MAVS: variants seen among roughly 807,000 people sequenced by gnomAD.
MAVS encodes the protein mitochondrial antiviral signaling protein.
A neutral mutation model predicts 30.2 loss-of-function variants in MAVS; 20 were observed. The ratio of observed to expected loss-of-function variants is 0.66; its 90% CI spans 0.47 to 0.96. MAVS has a LOEUF of 0.96. MAVS is among the 40% of genes least tolerant of loss of function. The pLI is 0.00. For synonymous variants in MAVS, 278 were observed against 293.9 expected (o/e 0.95, Z 0.55); for missense variants, 624 against 701.1 (o/e 0.89, Z 1.24).
chr20:3,868,049 T>G lies in MAVS; in HGVS notation c.*1902T>G, dbSNP rs1054788653. On this transcript the variant is annotated 3_prime_UTR_variant, in exon 7 of 7. Transcript: ENST00000428216. ...ACACCCTGCCTTGGCTGCTACAGCTTTTTCACTCCACTGCCCTAGGGGAGT... is the reference window on the plus strand; with the variant it reads ...ACACCCTGCCTTGGCTGCTACAGCTGTTTCACTCCACTGCCCTAGGGGAGT... 4 of 152,308 alleles carry G rather than the reference T, an allele frequency of 2.6e-5. No individual in the cohort carries two copies. Among genetic ancestry groups the G allele is most frequent in the African/African-American group, 9.7e-5 (4 of 41,432 alleles). 9.4% of individuals were successfully genotyped at this position (152,308 alleles called of 1,614,324 possible).
intron 1 of MAVS, among the ~76,000 whole-genome samples, chr20:3,848,764 G>T (rs542070592): frequency 3.9e-5 from 6 of 152,254 alleles, no homozygotes; most frequent in Admixed American, 3.3e-4. Flanking sequence ...CACTTGTTCC[G>T]AACTGAGTTC....
chr20:3,848,490 A>G (rs1357232552), intron 1 of MAVS, among the ~76,000 whole-genome samples: 2 of 152,090 alleles, frequency 1.3e-5, no homozygotes, highest in Non-Finnish European at 2.9e-5. Flanking sequence ...GATTCTCCTG[A>G]CCTGTCATTA....
chr20:3,859,456 C>T (rs1399232086), intron 3 of MAVS, among the ~76,000 whole-genome samples: 7 of 148,368 alleles, frequency 4.7e-5, no homozygotes, highest in African/African-American at 7.5e-5. Context: ...TGCAGTGAGC[C>T]GAGATTGCGC....
In MAVS at chr20:3,857,677, A is replaced by G; in HGVS notation, c.160A>G (p.Thr54Ala). Residue 54 changes from threonine to alanine, a missense_variant, in exon 3 of 7, where the codon ACC becomes GCC. Physicochemically the swap from Thr to Ala is moderately conservative, Grantham distance 58. Coordinates refer to ENST00000428216, the MANE Select transcript of MAVS (RefSeq NM_020746.5). ...CTGCACACTCTCAGGGAACCGGGAC[A>G]CCCTCTGGCATCTCTTCAATACCCT... ...ATCTLSGNRD[T>A]LWHLFNTLQR... 6.2e-7 allele frequency: 1 copy of G among 1,614,078 alleles called. No homozygotes were observed. Among genetic ancestry groups the G allele is most frequent in the Non-Finnish European group, 8.5e-7 (1 of 1,180,004 alleles).
chr20:3,866,176 T>C lies in MAVS; in HGVS notation c.*29T>C, dbSNP rs1215649494. ...AGCCCTGGGCTCTTCCCACCACCCA[T>C]CTGTTCCGTTCCTGCAGTACACCTG... On this transcript the variant is annotated 3_prime_UTR_variant, in exon 7 of 7. Transcript: ENST00000428216. 6.5e-6 allele frequency: 10 copies of C among 1,534,806 alleles called. No homozygotes were observed. Among genetic ancestry groups the C allele is most frequent in the Non-Finnish European group, 6.1e-6 (7 of 1,144,454 alleles).
intron 1 of MAVS, among the ~76,000 whole-genome samples, chr20:3,847,694 A>G (rs1341816206): frequency 2.0e-5 from 3 of 152,094 alleles, no homozygotes; most frequent in Non-Finnish European, 4.4e-5. Context: ...ACCTAAGTGC[A>G]CCCTCAGCCT....
Position 3,865,010 on chromosome 20 carries a change from A to G in MAVS, c.1158+222A>G, listed in dbSNP as rs1600454603. Among the ~76,000 whole-genome samples, 1 of 152,208 alleles carries G rather than the reference A, an allele frequency of 6.6e-6. No individual in the cohort carries two copies. Reference sequence around the variant, plus strand: ...AGTCATTGAGCTTCTAAGTCTGGACACCTCAGGAGGGTCAGCCACAGGGGG... The same window carrying G: ...AGTCATTGAGCTTCTAAGTCTGGACGCCTCAGGAGGGTCAGCCACAGGGGG... On this transcript the variant is annotated intron_variant, in intron 6 of 6. Transcript: ENST00000428216. The surrounding 1 kb of genome is among the most constrained non-coding windows in gnomAD (Gnocchi z 4.7).
At position 3,866,137 on chromosome 20, in the gene MAVS, G is replaced by C. The variant is rs761713524; in HGVS notation, c.1613G>C (p.Arg538Pro). ...CTCCTGGTGGTGCTGTACCGGCGGC[G>C]TCTGCACTAGTGAAGCCCTGGGCTC... is the stretch of plus-strand genomic sequence containing the variant. ...VTLLVVLYRR[R>P]LH is the part of the protein sequence containing the mutation. Residue 538 changes from arginine to proline, a missense_variant, in exon 7 of 7, where the codon CGT becomes CCT. Physicochemically the swap from Arg to Pro is moderately radical, Grantham distance 103. Coordinates refer to ENST00000428216, the MANE Select transcript of MAVS (RefSeq NM_020746.5). 6.3e-7 allele frequency: 1 copy of C among 1,587,462 alleles called. No homozygotes were observed. Among genetic ancestry groups the C allele is most frequent in the Non-Finnish European group, 8.6e-7 (1 of 1,169,330 alleles).
In MAVS at chr20:3,873,015, A is replaced by T. The variant is rs189198833; in HGVS notation, c.*6868A>T. 6.6e-6 allele frequency: 1 copy of T among 152,322 alleles called. No homozygotes were observed. The highest frequency in any genetic ancestry group is 2.4e-5 in the African/African-American group (1 of 41,432). 9.4% of individuals were successfully genotyped at this position (152,322 alleles called of 1,614,324 possible). A position where few individuals can be genotyped will look rare whatever the true frequency, so the allele number is the denominator to read the frequency against. Reference sequence around the variant, plus strand: ...TGGCAAAGGGACAAGTGTTTATCTGATCAGTTATGTACTGTTTATAATAAG... The same window carrying T: ...TGGCAAAGGGACAAGTGTTTATCTGTTCAGTTATGTACTGTTTATAATAAG... On this transcript the variant is annotated 3_prime_UTR_variant, in exon 7 of 7. Coordinates refer to ENST00000428216, the MANE Select transcript of MAVS (RefSeq NM_020746.5).
chr20:3,857,778 A>G lies in MAVS; in HGVS notation c.261A>G (p.Glu87=). 10 of 1,614,200 alleles carry G rather than the reference A, an allele frequency of 6.2e-6. No individual in the cohort carries two copies. Among genetic ancestry groups the G allele is most frequent in the Non-Finnish European group, 8.5e-6 (10 of 1,180,020 alleles). The part of the protein sequence containing the change: ...RGCELVDLAD[E]VASVYQSYQP... ...GTGAGCTAGTTGATCTCGCGGACGA[A>G]GTGGCCTCTGTCTACCAGAGCTACC... Residue 87 remains glutamate (E), a synonymous_variant, in exon 3 of 7, where the codon GAA becomes GAG. Transcript: ENST00000428216.
At chr20:3,848,272 C>T (rs569921152) in intron 1 of MAVS, among the ~76,000 whole-genome samples, 26 of 152,036 alleles carry the variant, frequency 1.7e-4, no homozygotes, top group Non-Finnish European at 2.2e-4. Context: ...CTAATTTTTG[C>T]ATTTTTAGTA....
chr20:3,847,754 C>T (rs944394982), intron 1 of MAVS, among the ~76,000 whole-genome samples: 1 of 152,150 alleles, frequency 6.6e-6, no homozygotes, highest in African/African-American at 2.4e-5. Flanking sequence ...AGGCAGGTGG[C>T]TGTGTGGGTC....
In MAVS at chr20:3,868,593, C is replaced by T. The variant is rs188392492; in HGVS notation, c.*2446C>T. On this transcript the variant is annotated 3_prime_UTR_variant, in exon 7 of 7. Coordinates refer to ENST00000428216, the MANE Select transcript of MAVS (RefSeq NM_020746.5). The stretch of plus-strand genomic sequence containing the variant: ...AGGTTGCAGTGAGCCGAGATTGTGC[C>T]ACTGCGCTCCAGCCTGGGCGACAGA... 1.3e-5 allele frequency: 2 copies of T among 151,802 alleles called. No individual in the cohort carries two copies. The highest frequency in any genetic ancestry group is 1.9e-4 in the East Asian group (1 of 5,162). 9.4% of individuals were successfully genotyped at this position (151,802 alleles called of 1,614,324 possible). A position where few individuals can be genotyped will look rare whatever the true frequency, so the allele number is the denominator to read the frequency against.
chr20:3,874,560 G>A lies in MAVS; in HGVS notation c.*8413G>A, dbSNP rs1295726286. On this transcript the variant is annotated 3_prime_UTR_variant, in exon 7 of 7. Transcript: ENST00000428216. The stretch of plus-strand genomic sequence containing the variant: ...TGGAGATTGTTGGCATGGGGACAGA[G>A]CGGACTAACTGGAGGGGCATCTTTG... 4.4e-6 allele frequency: 1 copy of A among 226,734 alleles called. No individual in the cohort carries two copies. The allele number at this position is 226,734 out of a possible 1,614,324, so 14.0% of individuals were successfully genotyped here.
chr20:3,859,444 G>C (rs965545014), intron 3 of MAVS, among the ~76,000 whole-genome samples: 27 of 151,266 alleles, frequency 1.8e-4, no homozygotes, highest in South Asian at 6.3e-4. Flanking sequence ...GGAGGTGGAG[G>C]TTGCAGTGAG....
At chr20:3,857,940 C>T (rs1338770156) in intron 3 of MAVS, 131 bp downstream of exon 3, 4 of 1,058,628 alleles carry the variant, frequency 3.8e-6, no homozygotes, top group Middle Eastern at 2.0e-4. Context: ...GATGAATAAA[C>T]CTGGGTGTAG....
intron 1 of MAVS, among the ~76,000 whole-genome samples, chr20:3,854,177 C>T (rs2089788916): frequency 6.6e-6 from 1 of 151,780 alleles, no homozygotes. Context: ...AATCCCCAAA[C>T]TTGGGAGGCC....
chr20:3,853,296 C>G (rs1420583633), intron 1 of MAVS, among the ~76,000 whole-genome samples: 2 of 150,712 alleles, frequency 1.3e-5, no homozygotes, highest in Non-Finnish European at 3.0e-5. Flanking sequence ...ACCATCCTGG[C>G]TAACCCCGTG....
intron 3 of MAVS, 114 bp downstream of exon 3, chr20:3,857,923 G>T (rs1414987003): frequency 8.4e-7 from 1 of 1,194,306 alleles, no homozygotes; most frequent in South Asian, 1.3e-5. Flanking sequence ...TCTTGTCACT[G>T]TGAAGCGATG....
Sources: gnomAD v4.1 joint callset for allele counts (sites outside exome capture counted in the v4.1 genomes callset) on GRCh38, gnomAD v4.1.1 for gene constraint, Gnocchi (gnomAD v3.1) non-coding constraint, MANE v1.5 for transcripts, NCBI Gene and HGNC (gene_info 2026-07-23, HGNC 2026-07-21) for gene names.